Variants in GPHN observed in about 807,000 individuals in gnomAD.
GPHN encodes the protein gephyrin.
Under a neutral mutation model 95.5 loss-of-function variants are expected in GPHN, and 17 were observed. The ratio of observed to expected loss-of-function variants is 0.18; its 90% CI spans 0.12 to 0.27. The LOEUF is 0.27. Ranked by LOEUF, GPHN falls within the 10% of genes least tolerant of loss-of-function variation. GPHN has a pLI of 1.00. For missense variants in GPHN, 660 were observed against 978.1 expected (o/e 0.67, Z 4.34); for synonymous variants, 320 against 322.5 (o/e 0.99, Z 0.08).
At chr14:66,946,552 C>T (rs528026736) in intron 8 of GPHN, among the ~76,000 whole-genome samples, 4 of 152,160 alleles carry the variant, frequency 2.6e-5, no homozygotes, top group African/African-American at 9.6e-5. Context: ...ATTACAAGCA[C>T]GCACTACCAC....
the GPHN span, among the ~76,000 whole-genome samples, chr14:67,495,414 A>G: frequency 6.6e-6 from 1 of 152,014 alleles, no homozygotes; most frequent in Admixed American, 6.6e-5. Context: ...TCCTGGAGAT[A>G]TTTTGACACC....
At chr14:67,157,886 A>AGAAG (rs1202636609) in intron 18 of GPHN, among the ~76,000 whole-genome samples, 3 of 151,384 alleles carry the variant, frequency 2.0e-5, no homozygotes, top group Non-Finnish European at 3.0e-5. Context: ...GGGGCAGGGG[A>AGAAG]GAAGGAAGGA....
At chr14:66,520,928 C>T (rs2058457882) in intron 1 of GPHN, among the ~76,000 whole-genome samples, 1 of 152,040 alleles carries the variant, frequency 6.6e-6, no homozygotes, top group South Asian at 2.1e-4. Flanking sequence ...CTTTTAGCCC[C>T]CACTTATAAG....
At chr14:67,644,339 A>G in the GPHN span, among the ~76,000 whole-genome samples, 1 of 152,196 alleles carries the variant, frequency 6.6e-6, no homozygotes, top group Non-Finnish European at 1.5e-5. Context: ...CTCACAGAAA[A>G]GGAAACTGAA....
chr14:66,578,748 A>G (rs1027649741), intron 1 of GPHN, among the ~76,000 whole-genome samples: 2 of 151,368 alleles, frequency 1.3e-5, no homozygotes, highest in Non-Finnish European at 3.0e-5. Flanking sequence ...TCAGAAATGA[A>G]GGAGAGATAA....
the GPHN span, among the ~76,000 whole-genome samples, chr14:67,669,104 A>G: frequency 6.6e-6 from 1 of 152,196 alleles, no homozygotes; most frequent in Non-Finnish European, 1.5e-5. Flanking sequence ...TGAAGTAGAT[A>G]CTATGATTTA....
At chr14:66,832,756 T>A (rs1434311812) in intron 4 of GPHN, among the ~76,000 whole-genome samples, 1 of 152,120 alleles carries the variant, frequency 6.6e-6, no homozygotes, top group East Asian at 1.9e-4. Context: ...TTCAAGACAG[T>A]TTAAACCTGG....
chr14:67,227,439 C>CAAAAAAAAA, the GPHN span: 8 of 83,614 alleles, frequency 9.6e-5, no homozygotes, highest in Admixed American at 1.2e-4. Context: ...GATGCTGTCT[C>CAAAAAAAAA]AAAAAAAAAA....
At chr14:66,589,711 G>C (rs1595111831) in intron 1 of GPHN, among the ~76,000 whole-genome samples, 1 of 152,080 alleles carries the variant, frequency 6.6e-6, no homozygotes. Flanking sequence ...AAGAGACTTA[G>C]ACTCCCACAC....
At chr14:67,468,871 G>A in the GPHN span, among the ~76,000 whole-genome samples, 5 of 150,372 alleles carry the variant, frequency 3.3e-5, no homozygotes, top group African/African-American at 1.2e-4. Flanking sequence ...CTCCAGTCTG[G>A]GTAATAGAGT....
the GPHN span, among the ~76,000 whole-genome samples, chr14:67,276,394 A>C: frequency 2.1e-3 from 324 of 152,250 alleles, 1 homozygote; most frequent in Non-Finnish European, 3.6e-3. Flanking sequence ...CCTTTCTACT[A>C]TCTGGCTAAT....
chr14:66,992,963 A>C (rs2071533419), intron 9 of GPHN, among the ~76,000 whole-genome samples: 1 of 152,156 alleles, frequency 6.6e-6, no homozygotes, highest in South Asian at 2.1e-4. Context: ...TACAGTCTAA[A>C]ATATTTACTC....
chr14:66,910,913 C>T (rs988550004), intron 5 of GPHN, among the ~76,000 whole-genome samples: 1 of 151,872 alleles, frequency 6.6e-6, no homozygotes, highest in African/African-American at 2.4e-5. Flanking sequence ...TAATATTGTG[C>T]AGCATTGAAA....
rs185137897 is a variant in GPHN, at chr14:66,518,926, G to A, written c.64+10335G>A. On this transcript the variant is annotated intron_variant, in intron 1 of 22. Transcript: ENST00000478722. ...AATTCTAGTCTTCTGTAGCATTGTA[G>A]GGTGACTATAGTTAACAGTAATATA... 1.1e-4 allele frequency among the ~76,000 whole-genome samples: 17 copies of A among 152,102 alleles called. No homozygotes were observed. The East Asian group carries it at 3.3e-3, about 29-fold the overall frequency.
At chr14:66,698,648 TG>T (rs1486703133) in intron 2 of GPHN, among the ~76,000 whole-genome samples, 1 of 152,196 alleles carries the variant, frequency 6.6e-6, no homozygotes, top group African/African-American at 2.4e-5. Context: ...GTATTACCTA[TG>T]GGTGGTTTCA....
the GPHN span, chr14:67,241,736 T>C: frequency 6.6e-6 from 1 of 152,042 alleles, no homozygotes; most frequent in Non-Finnish European, 1.5e-5. Flanking sequence ...CCAACCTTTG[T>C]CCCTCGGAGC....
rs1566729338 is a variant in GPHN, at chr14:66,629,180, C to CGT, written c.65-51927_65-51926insGT. 2.2e-4 allele frequency among the ~76,000 whole-genome samples: 25 copies of CGT among 111,770 alleles called. 2 individuals carry two copies. The highest frequency in any genetic ancestry group is 9.0e-4 in the African/African-American group (23 of 25,650). 73.3% of individuals were successfully genotyped at this position (111,770 alleles called of 152,430 possible). A position where few individuals can be genotyped will look rare whatever the true frequency, so the allele number is the denominator to read the frequency against. The stretch of plus-strand genomic sequence containing the variant: ...AAATATGTATATAAATATATATATA[C>CGT]ATATATAAATATGTATATAAATATA... On this transcript the variant is annotated intron_variant, in intron 1 of 22. Transcript: ENST00000478722.
At chr14:66,661,865 G>A (rs1477594802) in intron 1 of GPHN, among the ~76,000 whole-genome samples, 2 of 152,192 alleles carry the variant, frequency 1.3e-5, no homozygotes, top group African/African-American at 4.8e-5. Context: ...CAGGGCAGAA[G>A]CAGTACCCCA....
At chr14:66,743,418 T>G (rs775283754) in intron 2 of GPHN, among the ~76,000 whole-genome samples, 4 of 152,296 alleles carry the variant, frequency 2.6e-5, no homozygotes, top group East Asian at 1.9e-4. Context: ...CAAACTGGTG[T>G]TGTTGCCTGT....
Sources: gnomAD v4.1 joint callset for allele counts (sites outside exome capture counted in the v4.1 genomes callset) on GRCh38, gnomAD v4.1.1 for gene constraint, MANE v1.5 for transcripts, NCBI Gene and HGNC (gene_info 2026-07-23, HGNC 2026-07-21) for gene names.